Variants in ASTN2 observed in about 807,000 individuals in gnomAD.
The protein encoded by ASTN2 is astrotactin 2, also known as astrotactin-2.
ASTN2 carries 54 observed loss-of-function variants against 139.8 expected under a neutral mutation model. That is an observed-to-expected ratio of 0.39 (90% confidence interval 0.31 to 0.48). ASTN2 has a LOEUF of 0.48. Among genes scored for constraint, ASTN2 ranks in the 20% least tolerant of loss-of-function variants. The pLI is 0.95. For synonymous variants in ASTN2, 756 were observed against 719.5 expected (o/e 1.05, Z -0.81); for missense variants, 1,565 against 1,725.1 (o/e 0.91, Z 1.64).
At chr9:117,019,435 G>A (rs988766792) in intron 6 of ASTN2, among the ~76,000 whole-genome samples, 4 of 152,026 alleles carry the variant, frequency 2.6e-5, no homozygotes, top group Non-Finnish European at 5.9e-5. Context: ...TGCCAGGCAC[G>A]GATGAGAACA....
At chr9:116,986,980 C>T (rs1348986909) in intron 7 of ASTN2, among the ~76,000 whole-genome samples, 1 of 152,194 alleles carries the variant, frequency 6.6e-6, no homozygotes, top group African/African-American at 2.4e-5. Flanking sequence ...CTGAGGAATC[C>T]TGCCCTGGTT....
rs116345292 is a variant in ASTN2, at chr9:117,291,550, C to T, written c.443-37G>A. 69 of 1,541,256 alleles carry T rather than the reference C, an allele frequency of 4.5e-5. No homozygotes were observed. The Middle Eastern group carries it at 5.4e-4, about 12-fold the overall frequency. ...GACCCGAGGCACTGGGTGAGCCGTA[C>T]GCCTGGCCTTGGTGCTCCAGGGAGG... is the stretch of plus-strand genomic sequence containing the variant. On this transcript the variant is annotated intron_variant, in intron 1 of 22. Coordinates refer to ENST00000313400, the MANE Select transcript of ASTN2 (RefSeq NM_001365068.1).
intron 20 of ASTN2, among the ~76,000 whole-genome samples, chr9:116,443,516 C>T (rs558716478): frequency 3.9e-5 from 6 of 152,194 alleles, no homozygotes; most frequent in African/African-American, 1.4e-4. Context: ...ACAGGTAAAA[C>T]GTAGACCTGG....
At position 116,620,492 on chromosome 9, in the gene ASTN2, GAT is replaced by G. The variant is rs764244933; in HGVS notation, c.3073-51_3073-50del. 3 of 1,610,098 alleles carry G rather than the reference GAT, an allele frequency of 1.9e-6. No homozygotes were observed. In the African/African-American group the frequency reaches 4.0e-5, roughly 22 times the overall value. On this transcript the variant is annotated intron_variant, in intron 17 of 22. Transcript: ENST00000313400. ...TAGACAATGATGACAACAGGGGAGA[GAT>G]TGAGAGTAAATGTGCTGATGGCCAT...
At chr9:116,498,224 C>T (rs79902184) in intron 19 of ASTN2, among the ~76,000 whole-genome samples, 3 of 152,246 alleles carry the variant, frequency 2.0e-5, no homozygotes, top group Non-Finnish European at 4.4e-5. Context: ...GTTGTTTTTC[C>T]ACCACAACAG....
chr9:116,488,977 A>C (rs1339514877), intron 19 of ASTN2, among the ~76,000 whole-genome samples: 1 of 152,166 alleles, frequency 6.6e-6, no homozygotes, highest in African/African-American at 2.4e-5. Flanking sequence ...CTGACATATG[A>C]GGTATTTTTA....
intron 16 of ASTN2, among the ~76,000 whole-genome samples, chr9:116,715,268 C>A (rs2021969): frequency 0.094 from 14,298 of 152,142 alleles, 1,228 homozygotes; most frequent in East Asian, 0.4. Flanking sequence ...ATGGAAGTGT[C>A]TCTAACTACT....
At chr9:117,403,974 G>C (rs544080618) in intron 1 of ASTN2, among the ~76,000 whole-genome samples, 3 of 152,234 alleles carry the variant, frequency 2.0e-5, no homozygotes, top group East Asian at 1.9e-4. Context: ...GTGGAAAGAG[G>C]GGGAGGGGAA....
chr9:117,177,392 C>T (rs147608771), intron 3 of ASTN2, among the ~76,000 whole-genome samples: 278 of 152,274 alleles, frequency 1.8e-3, no homozygotes, highest in African/African-American at 6.3e-3. Context: ...GAACAGAATG[C>T]ATTCTCTCCA....
intron 1 of ASTN2, among the ~76,000 whole-genome samples, chr9:117,321,457 C>T (rs958650804): frequency 6.6e-6 from 1 of 152,284 alleles, no homozygotes. Flanking sequence ...CCCACTCCCA[C>T]CATTCTTTGC....
chr9:116,728,346 C>A (rs191169127), intron 15 of ASTN2, among the ~76,000 whole-genome samples: 1 of 151,432 alleles, frequency 6.6e-6, no homozygotes, highest in Middle Eastern at 3.4e-3. Context: ...GAATGGAGAA[C>A]GGGGGAGGCA....
intron 13 of ASTN2, 31 bp from the exon 14 acceptor site, chr9:116,733,554 C>A (rs111380470): frequency 1.2e-6 from 2 of 1,613,512 alleles, no homozygotes; most frequent in East Asian, 2.2e-5. Context: ...ACTGCCAAAT[C>A]GAGGAAGTGG....
At position 116,993,706 on chromosome 9, in the gene ASTN2, T is replaced by C. The variant is rs564353457; in HGVS notation, c.1591+14386A>G. On this transcript the variant is annotated intron_variant, in intron 7 of 22. Transcript: ENST00000313400. ...TTAGTAAATAGCATGATAAAGTGTATCATATATTATATATAGTACATTATA... is the reference window on the plus strand; with the variant it reads ...TTAGTAAATAGCATGATAAAGTGTACCATATATTATATATAGTACATTATA... 1.1e-3 allele frequency among the ~76,000 whole-genome samples: 162 copies of C among 147,874 alleles called. 3 individuals are homozygous for C. The East Asian group carries it at 0.025, about 23-fold the overall frequency.
At chr9:117,204,207 C>T (rs10983574) in intron 3 of ASTN2, among the ~76,000 whole-genome samples, 26,299 of 152,110 alleles carry the variant, frequency 0.17, 2,452 homozygotes, top group South Asian at 0.28. Flanking sequence ...CTCCCTGGCT[C>T]CACAAAAATT....
chr9:117,406,926 A>G (rs1831012225), intron 1 of ASTN2, among the ~76,000 whole-genome samples: 1 of 151,780 alleles, frequency 6.6e-6, no homozygotes. Context: ...AGCTCTCTGA[A>G]TGCAGAGATC....
chr9:116,770,179 G>A (rs191012799), intron 13 of ASTN2, among the ~76,000 whole-genome samples: 21 of 152,016 alleles, frequency 1.4e-4, no homozygotes, highest in African/African-American at 4.6e-4. Flanking sequence ...CTTCCAACTA[G>A]TGTCAAAGAC....
chr9:116,908,093 G>A (rs776454122), intron 10 of ASTN2, among the ~76,000 whole-genome samples: 3 of 152,158 alleles, frequency 2.0e-5, no homozygotes, highest in Non-Finnish European at 2.9e-5. Context: ...GGTGAGGCGT[G>A]TGGGCGAAAA....
At chr9:116,839,082 C>T (rs763810195) in intron 11 of ASTN2, among the ~76,000 whole-genome samples, 1 of 152,108 alleles carries the variant, frequency 6.6e-6, no homozygotes, top group Non-Finnish European at 1.5e-5. Context: ...GTATCACCTC[C>T]TACTAATAGT....
chr9:117,045,697 C>A (rs1838714794), intron 5 of ASTN2, among the ~76,000 whole-genome samples: 1 of 152,150 alleles, frequency 6.6e-6, no homozygotes, highest in South Asian at 2.1e-4. Context: ...GAATCAATCA[C>A]ATTTTATAAT....
Sources: allele counts gnomAD v4.1 joint callset (sites outside exome capture counted in the v4.1 genomes callset), GRCh38; gene constraint gnomAD v4.1.1; transcripts MANE v1.5; gene names NCBI Gene and HGNC (gene_info 2026-07-23, HGNC 2026-07-21).